The following MALRD1 variants were observed in gnomAD, a reference collection of about 807,000 sequenced individuals.
MALRD1 encodes the protein MAM and LDL receptor class A domain containing 1, also known as MAM and LDL-receptor class A domain-containing protein 1.
A neutral mutation model predicts 242.1 loss-of-function variants in MALRD1; 247 were observed. The observed-to-expected ratio is 1.02, with a 90% CI of 0.92 to 1.13. MALRD1 has a LOEUF of 1.13. Ranked by LOEUF, MALRD1 falls within the 50% of genes most tolerant of loss-of-function variation. MALRD1 has a pLI of 0.00. For synonymous variants in MALRD1, 995 were observed against 866.6 expected (o/e 1.15, Z -2.60); for missense variants, 2,989 against 2,533.1 (o/e 1.18, Z -3.86).
At chr10:19,507,009 T>C (rs1833172130) in intron 31 of MALRD1, among the ~76,000 whole-genome samples, 1 of 152,056 alleles carries the variant, frequency 6.6e-6, no homozygotes, top group Admixed American at 6.6e-5. Context: ...AGCTTGCTAT[T>C]ATGACAGATG....
At chr10:19,215,813 A>T (rs946412004) in intron 18 of MALRD1, among the ~76,000 whole-genome samples, 1 of 51,998 alleles carries the variant, frequency 1.9e-5, no homozygotes, top group East Asian at 4.3e-4. Context: ...ATTTATATAA[A>T]TAATTAGTAT....
At chr10:19,515,973 T>A (rs1833609821) in intron 31 of MALRD1, among the ~76,000 whole-genome samples, 1 of 152,234 alleles carries the variant, frequency 6.6e-6, no homozygotes, top group Admixed American at 6.5e-5. Context: ...CTTGTTTTTA[T>A]GATTATGCTT....
At chr10:19,058,197 T>A (rs1834723496) in intron 1 of MALRD1, among the ~76,000 whole-genome samples, 1 of 152,234 alleles carries the variant, frequency 6.6e-6, no homozygotes. Flanking sequence ...GACACAGAGC[T>A]GTTCCATGGA....
At chr10:19,620,996 CAAAA>C (rs71388854) in intron 36 of MALRD1, among the ~76,000 whole-genome samples, 1 of 135,218 alleles carries the variant, frequency 7.4e-6, no homozygotes, top group South Asian at 2.3e-4. Flanking sequence ...GAGCAACTAC[CAAAA>C]AAAAAAAAAG....
At chr10:19,275,456 C>T (rs192653106) in intron 19 of MALRD1, among the ~76,000 whole-genome samples, 1 of 152,208 alleles carries the variant, frequency 6.6e-6, no homozygotes, top group East Asian at 1.9e-4. Flanking sequence ...ATCACGAGGT[C>T]AGGAGATCAA....
At chr10:19,635,028 A>G (rs1221576945) in intron 36 of MALRD1, among the ~76,000 whole-genome samples, 1 of 152,186 alleles carries the variant, frequency 6.6e-6, no homozygotes, top group Non-Finnish European at 1.5e-5. Context: ...TTGTCATGGC[A>G]AGGATCACAG....
chr10:19,409,478 T>C (rs1261518910), intron 28 of MALRD1, among the ~76,000 whole-genome samples: 2 of 151,832 alleles, frequency 1.3e-5, no homozygotes, highest in Non-Finnish European at 2.9e-5. Context: ...TGAAAATAAA[T>C]AGATAACATA....
chr10:19,453,712 C>A (rs1227069460), intron 29 of MALRD1, among the ~76,000 whole-genome samples: 1 of 151,798 alleles, frequency 6.6e-6, no homozygotes, highest in East Asian at 1.9e-4. Flanking sequence ...TCCAACTCTA[C>A]TAAAAATAGA....
chr10:19,230,592 T>C (rs973761556), intron 18 of MALRD1, among the ~76,000 whole-genome samples: 5 of 152,248 alleles, frequency 3.3e-5, no homozygotes, highest in African/African-American at 4.8e-5. Flanking sequence ...GTCTCCAACA[T>C]TGGGGATCAC....
At chr10:19,305,554 C>G (rs1403722964) in intron 21 of MALRD1, among the ~76,000 whole-genome samples, 1 of 151,054 alleles carries the variant, frequency 6.6e-6, no homozygotes, top group Non-Finnish European at 1.5e-5. Flanking sequence ...TGAGAAAGAT[C>G]TTATATTCTA....
At chr10:19,533,215 T>A (rs939057787) in intron 32 of MALRD1, among the ~76,000 whole-genome samples, 9 of 152,338 alleles carry the variant, frequency 5.9e-5, no homozygotes, top group African/African-American at 2.2e-4. Context: ...GCCCTCTGTG[T>A]TTAGCCATGT....
intron 26 of MALRD1, among the ~76,000 whole-genome samples, chr10:19,379,487 G>A (rs1359894350): frequency 2.0e-5 from 3 of 151,998 alleles, no homozygotes; most frequent in Non-Finnish European, 4.4e-5. Context: ...GATATGCTGA[G>A]TTTTCATTTT....
chr10:19,367,042 T>C (rs1329005441), intron 26 of MALRD1, among the ~76,000 whole-genome samples: 2 of 152,180 alleles, frequency 1.3e-5, no homozygotes, highest in Non-Finnish European at 2.9e-5. Context: ...GATACTGTAA[T>C]ACATGCAATG....
chr10:19,262,282 A>G (rs1198042154), intron 19 of MALRD1, among the ~76,000 whole-genome samples: 1 of 152,134 alleles, frequency 6.6e-6, no homozygotes, highest in Non-Finnish European at 1.5e-5. Flanking sequence ...TATATTATGA[A>G]ATAGTTAGCA....
chr10:19,272,738 T>C (rs1469951388), intron 19 of MALRD1, among the ~76,000 whole-genome samples: 2 of 152,146 alleles, frequency 1.3e-5, no homozygotes, highest in African/African-American at 4.8e-5. Context: ...TGTGTCCATG[T>C]GTTCTTGTTG....
At chr10:19,205,389 A>G (rs76681285) in intron 17 of MALRD1, 124 bp downstream of exon 17, 46 of 580,996 alleles carry the variant, frequency 7.9e-5, no homozygotes, top group South Asian at 1.4e-4. Context: ...GATGAATGTT[A>G]TGTGTGGTTA....
intron 2 of MALRD1, among the ~76,000 whole-genome samples, chr10:19,085,954 A>G (rs1471805189): frequency 6.6e-6 from 1 of 152,080 alleles, no homozygotes; most frequent in East Asian, 1.9e-4. Context: ...AAAATAATAT[A>G]TGCATATGGC....
At chr10:19,647,395 G>C (rs1443850819) in intron 36 of MALRD1, among the ~76,000 whole-genome samples, 1 of 152,144 alleles carries the variant, frequency 6.6e-6, no homozygotes, top group Non-Finnish European at 1.5e-5. Flanking sequence ...ACCACGCCCA[G>C]TCTCCTTGGG....
intron 38 of MALRD1, among the ~76,000 whole-genome samples, chr10:19,700,644 T>G (rs1249975408): frequency 6.6e-6 from 1 of 152,242 alleles, no homozygotes; most frequent in Non-Finnish European, 1.5e-5. Flanking sequence ...AATATCTGTC[T>G]CTAACCCTCT....
Sources: allele counts gnomAD v4.1 joint callset (sites outside exome capture counted in the v4.1 genomes callset), GRCh38; gene constraint gnomAD v4.1.1; transcripts MANE v1.5; gene names NCBI Gene and HGNC (gene_info 2026-07-23, HGNC 2026-07-21).